The following MSRA variants were observed in gnomAD, a reference collection of about 807,000 sequenced individuals.
MSRA encodes the protein methionine sulfoxide reductase A.
Under a neutral mutation model 31.3 loss-of-function variants are expected in MSRA, and 54 were observed. That is an observed-to-expected ratio of 1.73 (90% CI 1.39 to 2.17). MSRA has a LOEUF of 2.17. Ranked by LOEUF, MSRA falls within the 30% of genes most tolerant of loss-of-function variation. MSRA has a pLI of 0.00. For missense variants in MSRA, 507 were observed against 300.9 expected (o/e 1.69, Z -5.07); for synonymous variants, 169 against 116.5 (o/e 1.45, Z -2.90).
intron 5 of MSRA, among the ~76,000 whole-genome samples, chr8:10,398,526 G>A (rs1807244848): frequency 6.6e-6 from 1 of 152,220 alleles, no homozygotes. Flanking sequence ...AGATGGACTT[G>A]TCAGTGCCAG....
At chr8:10,083,684 T>C (rs928637116) in intron 1 of MSRA, among the ~76,000 whole-genome samples, 11 of 151,448 alleles carry the variant, frequency 7.3e-5, no homozygotes, top group African/African-American at 2.7e-4. Flanking sequence ...TTCAAAGAGG[T>C]TTTTTTTTCC....
intron 1 of MSRA, among the ~76,000 whole-genome samples, chr8:10,156,611 A>G (rs1440955409): frequency 7.2e-5 from 11 of 152,128 alleles, no homozygotes; most frequent in Admixed American, 5.9e-4. Flanking sequence ...TTCTTTTCAT[A>G]TGGACACATA....
intron 2 of MSRA, among the ~76,000 whole-genome samples, chr8:10,208,218 T>C (rs940130012): frequency 6.6e-6 from 1 of 152,148 alleles, no homozygotes; most frequent in Non-Finnish European, 1.5e-5. Context: ...CGGATTTTTT[T>C]TTTTTCCACA....
chr8:10,393,930 C>T (rs562079480), intron 5 of MSRA, among the ~76,000 whole-genome samples: 2 of 152,120 alleles, frequency 1.3e-5, no homozygotes, highest in African/African-American at 2.4e-5. Context: ...TCTGCAGGCA[C>T]GGGATATTTG....
intron 5 of MSRA, among the ~76,000 whole-genome samples, chr8:10,354,734 A>ATG (rs138610974): frequency 0.33 from 43,605 of 133,734 alleles, 7,524 homozygotes; most frequent in East Asian, 0.48. Flanking sequence ...GTTATGTAAT[A>ATG]TGTGTGTGTG....
At chr8:10,167,226 A>T (rs1805217638) in intron 1 of MSRA, among the ~76,000 whole-genome samples, 1 of 152,176 alleles carries the variant, frequency 6.6e-6, no homozygotes, top group African/African-American at 2.4e-5. Flanking sequence ...TGAGTTCTGC[A>T]TGTTCTGATG....
intron 1 of MSRA, among the ~76,000 whole-genome samples, chr8:10,065,169 C>T (rs535168086): frequency 6.6e-6 from 1 of 152,076 alleles, no homozygotes. Flanking sequence ...CCTCACACCC[C>T]GAGATGTGTG....
intron 5 of MSRA, among the ~76,000 whole-genome samples, chr8:10,419,357 A>T (rs894369635): frequency 6.6e-6 from 1 of 152,194 alleles, no homozygotes; most frequent in African/African-American, 2.4e-5. Flanking sequence ...GAATTTGAGT[A>T]AGGCATGTGA....
chr8:10,323,396 A>G (rs1802168915), intron 5 of MSRA, among the ~76,000 whole-genome samples: 1 of 152,198 alleles, frequency 6.6e-6, no homozygotes, highest in Admixed American at 6.5e-5. Context: ...CTGGAAGCAT[A>G]TTAACTGCCC....
chr8:10,345,337 T>G (rs1302378508), intron 5 of MSRA, among the ~76,000 whole-genome samples: 2 of 152,150 alleles, frequency 1.3e-5, no homozygotes, highest in Non-Finnish European at 2.9e-5. Flanking sequence ...TTACTAAGCA[T>G]GTAAGGAGGG....
chr8:10,198,086 A>G (rs893152552), intron 1 of MSRA, among the ~76,000 whole-genome samples: 6 of 152,166 alleles, frequency 3.9e-5, no homozygotes, highest in African/African-American at 1.4e-4. Context: ...GATAGGGGCT[A>G]ACTTTCCTTT....
chr8:10,331,212 T>A (rs1382074865), intron 5 of MSRA, among the ~76,000 whole-genome samples: 1 of 152,136 alleles, frequency 6.6e-6, no homozygotes, highest in Non-Finnish European at 1.5e-5. Context: ...GTCTGTTACT[T>A]TGTTATGGCA....
chr8:10,285,385 A>G (rs1211772171), intron 3 of MSRA, among the ~76,000 whole-genome samples: 3 of 152,090 alleles, frequency 2.0e-5, no homozygotes, highest in Non-Finnish European at 4.4e-5. Context: ...AATGGTACCT[A>G]TTTATGGAGT....
At chr8:10,365,427 G>T (rs1011063328) in intron 5 of MSRA, among the ~76,000 whole-genome samples, 1 of 152,092 alleles carries the variant, frequency 6.6e-6, no homozygotes, top group Non-Finnish European at 1.5e-5. Context: ...TAACGCCTCC[G>T]GAATAGCAAG....
At chr8:10,275,409 C>A (rs1025632309) in intron 3 of MSRA, among the ~76,000 whole-genome samples, 1 of 152,172 alleles carries the variant, frequency 6.6e-6, no homozygotes, top group Non-Finnish European at 1.5e-5. Context: ...TATGATTTTA[C>A]TATTTTGTAG....
At chr8:10,256,304 A>G (rs1798175898) in intron 3 of MSRA, among the ~76,000 whole-genome samples, 2 of 152,066 alleles carry the variant, frequency 1.3e-5, no homozygotes, top group African/African-American at 2.4e-5. Context: ...TTGGTAGGTC[A>G]TTTCTTTTTA....
At chr8:10,356,398 G>A (rs1188598514) in intron 5 of MSRA, among the ~76,000 whole-genome samples, 2 of 152,172 alleles carry the variant, frequency 1.3e-5, no homozygotes, top group Non-Finnish European at 2.9e-5. Context: ...GTCCCCCTAA[G>A]AGCCTCTCCT....
chr8:10,216,268 G>A (rs1809979126), intron 2 of MSRA, among the ~76,000 whole-genome samples: 4 of 152,126 alleles, frequency 2.6e-5, no homozygotes, highest in Admixed American at 2.6e-4. Flanking sequence ...GGAAAAGAAA[G>A]TGAAATGAAA....
intron 1 of MSRA, among the ~76,000 whole-genome samples, chr8:10,116,239 C>G (rs1289788503): frequency 6.6e-6 from 1 of 152,164 alleles, no homozygotes; most frequent in Non-Finnish European, 1.5e-5. Context: ...TATTCATAAA[C>G]TTTTTTAAAA....
Sources: gnomAD v4.1 joint callset for allele counts (sites outside exome capture counted in the v4.1 genomes callset) on GRCh38, gnomAD v4.1.1 for gene constraint, MANE v1.5 for transcripts, NCBI Gene and HGNC (gene_info 2026-07-23, HGNC 2026-07-21) for gene names.